Variants in CACNB4 observed in about 807,000 individuals in gnomAD.
The protein encoded by CACNB4 is voltage-dependent L-type calcium channel subunit beta-4.
CACNB4 carries 32 observed loss-of-function variants against 71.2 expected under a neutral mutation model. The observed-to-expected ratio is 0.45, with a 90% CI of 0.34 to 0.60. The LOEUF (loss-of-function observed/expected upper bound fraction) is 0.60, where lower values mean the gene tolerates loss of function less well. Ranked by LOEUF, CACNB4 falls within the 20% of genes least tolerant of loss-of-function variation. The pLI, the probability that CACNB4 is intolerant of heterozygous loss-of-function variation, is 0.01. For missense variants in CACNB4, 464 were observed against 647.9 expected, an observed-to-expected ratio of 0.72 and a Z score of 3.08; for synonymous variants, 231 against 236.9, an observed-to-expected ratio of 0.97 and a Z score of 0.23.
chr2:152,000,822 G>A (rs772190972), intron 2 of CACNB4, among the ~76,000 whole-genome samples: 3 of 152,160 alleles, frequency 2.0e-5, no homozygotes, highest in Non-Finnish European at 2.9e-5. Flanking sequence ...AGACTGCAGC[G>A]AGGACTGATG....
At chr2:151,921,881 C>T (rs986510563) in intron 2 of CACNB4, among the ~76,000 whole-genome samples, 1 of 152,054 alleles carries the variant, frequency 6.6e-6, no homozygotes, top group African/African-American at 2.4e-5. Flanking sequence ...TCCCCTTCCC[C>T]TTCGCCTTCC....
At chr2:151,972,850 CCCAG>C (rs1330203497) in intron 2 of CACNB4, 12 of 152,232 alleles carry the variant, frequency 7.9e-5, no homozygotes, top group African/African-American at 2.9e-4. Context: ...ATTAACCACC[CCCAG>C]CCATTCTACC....
At chr2:152,058,088 C>T (rs193050713) in intron 2 of CACNB4, among the ~76,000 whole-genome samples, 1 of 152,274 alleles carries the variant, frequency 6.6e-6, no homozygotes, top group African/African-American at 2.4e-5. Flanking sequence ...CTCTCTCCTG[C>T]CACCATGTAA....
At chr2:151,980,725 G>T (rs2099874569) in intron 2 of CACNB4, among the ~76,000 whole-genome samples, 1 of 152,208 alleles carries the variant, frequency 6.6e-6, no homozygotes, top group Admixed American at 6.5e-5. Flanking sequence ...CAGAACATGA[G>T]CATCCCTAAA....
At chr2:152,063,106 C>T (rs966809211) in intron 2 of CACNB4, among the ~76,000 whole-genome samples, 1 of 152,146 alleles carries the variant, frequency 6.6e-6, no homozygotes, top group East Asian at 1.9e-4. Context: ...CCAGACATAT[C>T]GCAATGTCAC....
intron 2 of CACNB4, among the ~76,000 whole-genome samples, chr2:151,885,823 G>A (rs2099849225): frequency 6.6e-6 from 1 of 152,170 alleles, no homozygotes; most frequent in Admixed American, 6.5e-5. Context: ...AGTGCAGGGT[G>A]ACTTTCATAG....
At chr2:151,921,183 A>G (rs943983296) in intron 2 of CACNB4, among the ~76,000 whole-genome samples, 1 of 49,260 alleles carries the variant, frequency 2.0e-5, no homozygotes, top group African/African-American at 4.2e-5. Flanking sequence ...ATAAATAAAT[A>G]AGTTAAAAAA....
intron 2 of CACNB4, among the ~76,000 whole-genome samples, chr2:151,890,327 G>A (rs1234684840): frequency 6.6e-6 from 1 of 152,186 alleles, no homozygotes; most frequent in African/African-American, 2.4e-5. Context: ...GAGTCGTCAA[G>A]GGTAGCAAAG....
At position 151,834,158 on chromosome 2, in the gene CACNB4, G is replaced by A. The variant is rs1313235897; in HGVS notation, c.*4961C>T. ...AAACATAACCAAGAACACTTATCAGGTATTGAAAAGCTAGAGGCCAGCCAC... is the reference window on the plus strand; with the variant it reads ...AAACATAACCAAGAACACTTATCAGATATTGAAAAGCTAGAGGCCAGCCAC... On this transcript the variant is annotated 3_prime_UTR_variant, in exon 14 of 14. Coordinates refer to ENST00000539935, the MANE Select transcript of CACNB4 (RefSeq NM_000726.5). 2.0e-5 allele frequency: 3 copies of A among 151,958 alleles called. No homozygotes were observed. Among genetic ancestry groups the A allele is most frequent in the African/African-American group, 7.2e-5 (3 of 41,408 alleles). The allele number at this position is 151,958 out of a possible 1,614,324, so 9.4% of individuals were successfully genotyped here.
chr2:151,961,767 T>TTGA (rs1248417645), intron 2 of CACNB4, among the ~76,000 whole-genome samples: 16 of 152,124 alleles, frequency 1.1e-4, no homozygotes, highest in Non-Finnish European at 1.5e-5. Context: ...GGCATGCACC[T>TTGA]GTAGTCCCAG....
At chr2:151,990,173 G>A (rs1579082973) in intron 2 of CACNB4, among the ~76,000 whole-genome samples, 1 of 152,020 alleles carries the variant, frequency 6.6e-6, no homozygotes, top group African/African-American at 2.4e-5. Flanking sequence ...ATTCTTTCAG[G>A]AAAAAATTAC....
intron 2 of CACNB4, among the ~76,000 whole-genome samples, chr2:152,079,250 A>G (rs575073535): frequency 1.4e-3 from 210 of 151,480 alleles, no homozygotes; most frequent in African/African-American, 4.9e-3. Flanking sequence ...CACCACGCCC[A>G]GCTGATTTTT....
intron 2 of CACNB4, among the ~76,000 whole-genome samples, chr2:152,080,061 T>C (rs1027844326): frequency 6.6e-6 from 1 of 152,198 alleles, no homozygotes; most frequent in African/African-American, 2.4e-5. Context: ...ATCTATATAT[T>C]GAAGTATATG....
intron 2 of CACNB4, among the ~76,000 whole-genome samples, chr2:151,895,715 C>T (rs1441469245): frequency 6.6e-6 from 1 of 151,794 alleles, no homozygotes; most frequent in African/African-American, 2.4e-5. Flanking sequence ...CCTGCATTAA[C>T]CCTAAAATAA....
intron 2 of CACNB4, among the ~76,000 whole-genome samples, chr2:151,918,619 T>C (rs981587061): frequency 7.9e-5 from 12 of 152,314 alleles, no homozygotes; most frequent in Admixed American, 5.9e-4. Flanking sequence ...TAGTAGAGCT[T>C]TATCTACCAG....
intron 2 of CACNB4, among the ~76,000 whole-genome samples, chr2:151,989,820 C>T (rs771907486): frequency 6.6e-6 from 1 of 152,170 alleles, no homozygotes; most frequent in African/African-American, 2.4e-5. Context: ...AAAATCAAGT[C>T]CTTATATTCT....
Position 151,839,135 on chromosome 2 carries a change from G to C in CACNB4, c.1547C>G (p.Ser516Cys). 1 of 1,611,152 alleles carries C rather than the reference G, an allele frequency of 6.2e-7. No homozygotes were observed. The highest frequency in any genetic ancestry group is 8.5e-7 in the Non-Finnish European group (1 of 1,177,730). Reference protein sequence around the residue: ...RGSPGGYSHDSRHRL With the variant: ...RGSPGGYSHDCRHRL Reference sequence around the variant, plus strand: ...TCATTAGACTCAAAGCCTATGTCGGGAGTCATGGCTATATCCCCCAGGTGA... The same window carrying C: ...TCATTAGACTCAAAGCCTATGTCGGCAGTCATGGCTATATCCCCCAGGTGA... Residue 516 changes from serine to cysteine, a missense_variant, in exon 14 of 14, where the codon TCC becomes TGC. Coordinates refer to ENST00000539935, the MANE Select transcript of CACNB4 (RefSeq NM_000726.5).
intron 2 of CACNB4, among the ~76,000 whole-genome samples, chr2:152,093,529 T>G (rs1560196029): frequency 6.6e-6 from 1 of 152,162 alleles, no homozygotes; most frequent in Non-Finnish European, 1.5e-5. Context: ...CTCTTGGACC[T>G]GTTTTGACTT....
intron 2 of CACNB4, chr2:151,973,481 A>G: frequency 1.7e-6 from 1 of 594,542 alleles, no homozygotes. Context: ...CTTGACAATA[A>G]ATAATTTTAG....
Sources: allele counts gnomAD v4.1 joint callset (sites outside exome capture counted in the v4.1 genomes callset), GRCh38; gene constraint gnomAD v4.1.1; transcripts MANE v1.5; gene names NCBI Gene and HGNC (gene_info 2026-07-23, HGNC 2026-07-21).